Variants in ACTR3 observed in about 807,000 individuals in gnomAD.
The protein encoded by ACTR3 is actin-related protein 3.
Under a neutral mutation model 56.8 loss-of-function variants are expected in ACTR3, and 12 were observed. The ratio of observed to expected loss-of-function variants is 0.21; its 90% confidence interval spans 0.14 to 0.34. The LOEUF is 0.34. Ranked by LOEUF, ACTR3 falls within the 10% of genes least tolerant of loss-of-function variation. The pLI is 1.00. For synonymous variants in ACTR3, 162 were observed against 167.4 expected (o/e 0.97, Z 0.25); for missense variants, 282 against 512.5 (o/e 0.55, Z 4.34).
At chr2:113,899,573 TA>T (rs1481986772) in intron 1 of ACTR3, among the ~76,000 whole-genome samples, 4 of 152,188 alleles carry the variant, frequency 2.6e-5, no homozygotes, top group Non-Finnish European at 5.9e-5. Flanking sequence ...GGCAGATTAA[TA>T]AGGGCTGTAG....
chr2:113,891,504 A>G (rs562121779), intron 1 of ACTR3, among the ~76,000 whole-genome samples: 171 of 151,960 alleles, frequency 1.1e-3, no homozygotes, highest in Non-Finnish European at 1.2e-3. Context: ...CTTCAGGATG[A>G]CATATAGGAA....
chr2:113,961,993 C>T lies in ACTR3; in HGVS notation c.*4538C>T, dbSNP rs1046443394. The T allele has an allele frequency of 6.6e-6, 1 of 151,936 alleles. No homozygotes were observed. The highest frequency in any genetic ancestry group is 1.5e-5 in the Non-Finnish European group (1 of 67,870). 9.4% of individuals were successfully genotyped at this position (151,936 alleles called of 1,614,324 possible). A position where few individuals can be genotyped will look rare whatever the true frequency, so the allele number is the denominator to read the frequency against. ...TTCATTTCATATTTCCAGTGCCTGA[C>T]ATATTGCTTGGCATATAGTAGTTTA... On this transcript the variant is annotated 3_prime_UTR_variant, in exon 12 of 12. Coordinates refer to ENST00000263238, the MANE Select transcript of ACTR3 (RefSeq NM_005721.5).
At chr2:113,905,858 A>T (rs1463262197) in intron 1 of ACTR3, among the ~76,000 whole-genome samples, 1 of 152,014 alleles carries the variant, frequency 6.6e-6, no homozygotes, top group Non-Finnish European at 1.5e-5. Flanking sequence ...ATAATATTCC[A>T]TTGGAAGTAT....
rs918511101 is a variant in ACTR3 at position 113,960,717 on chromosome 2, C to T, written c.*3262C>T. On this transcript the variant is annotated 3_prime_UTR_variant, in exon 12 of 12. Transcript: ENST00000263238. The stretch of plus-strand genomic sequence containing the variant: ...ATTCCTGTGACCCATTCTTTCTGAT[C>T]TTTCGTAGTTCATAGTCACCAGGCA... 2 of 151,866 alleles carry T rather than the reference C, an allele frequency of 1.3e-5. No individual in the cohort carries two copies. The highest frequency in any genetic ancestry group is 2.9e-5 in the Non-Finnish European group (2 of 67,862). 9.4% of individuals were successfully genotyped at this position (151,866 alleles called of 1,614,324 possible). A position where few individuals can be genotyped will look rare whatever the true frequency, so the allele number is the denominator to read the frequency against.
At chr2:113,928,604 A>G (rs970785993) in intron 4 of ACTR3, among the ~76,000 whole-genome samples, 12 of 152,198 alleles carry the variant, frequency 7.9e-5, no homozygotes, top group African/African-American at 2.7e-4. Context: ...AGAACTTTTT[A>G]TACAATGGTC....
At position 113,957,689 on chromosome 2, in the gene ACTR3, G is replaced by A. The variant is rs1680241948; in HGVS notation, c.*234G>A. ...ATTTGAATCTTATGTGTAACAAAAA[G>A]AAGTGGGTTTTAGTTCTTTCTGTGC... is the stretch of plus-strand genomic sequence containing the variant. On this transcript the variant is annotated 3_prime_UTR_variant, in exon 12 of 12. Coordinates refer to ENST00000263238, the MANE Select transcript of ACTR3 (RefSeq NM_005721.5). The A allele has an allele frequency of 2.3e-6, 1 of 443,306 alleles. No individual in the cohort carries two copies. Among genetic ancestry groups the A allele is most frequent in the Non-Finnish European group, 4.1e-6 (1 of 245,324 alleles). 27.5% of individuals were successfully genotyped at this position (443,306 alleles called of 1,614,324 possible). A position where few individuals can be genotyped will look rare whatever the true frequency, so the allele number is the denominator to read the frequency against.
In ACTR3 at chr2:113,931,285, TTATTTATTTCAA is replaced by T; in HGVS notation, c.337-13_337-2del. 2 of 1,433,676 alleles carry T rather than the reference TTATTTATTTCAA, an allele frequency of 1.4e-6. No homozygotes were observed. Among genetic ancestry groups the T allele is most frequent in the Non-Finnish European group, 1.9e-6 (2 of 1,053,236 alleles). 88.8% of individuals were successfully genotyped at this position (1,433,676 alleles called of 1,614,324 possible). ...AATCTGATATTATCTATTTAAAATGTTATTTATTTCAATAGACTGAACCTCCATTGAATACTC... is the reference window on the plus strand; with the variant it reads ...AATCTGATATTATCTATTTAAAATGTTAGACTGAACCTCCATTGAATACTC... On this transcript the variant is annotated splice_region_variant and splice_polypyrimidine_tract_variant and intron_variant, in intron 4 of 11. Coordinates refer to ENST00000263238, the MANE Select transcript of ACTR3 (RefSeq NM_005721.5).
At chr2:113,946,508 T>G (rs1220992611) in intron 8 of ACTR3, among the ~76,000 whole-genome samples, 1 of 152,152 alleles carries the variant, frequency 6.6e-6, no homozygotes, top group African/African-American at 2.4e-5. Flanking sequence ...CATATATGTC[T>G]TCTTTTGAAA....
rs1041371557 is a variant in ACTR3, at chr2:113,961,364, C to G, written c.*3909C>G. On this transcript the variant is annotated 3_prime_UTR_variant, in exon 12 of 12. Transcript: ENST00000263238. ...ACTAGTGCTCCAGTGGTCACAGGAA[C>G]AATAAAAAAGGAACAACGATAGAAA... 2 of 149,526 alleles carry G rather than the reference C, an allele frequency of 1.3e-5. No individual in the cohort carries two copies. Among genetic ancestry groups the G allele is most frequent in the African/African-American group, 4.9e-5 (2 of 40,602 alleles). 9.3% of individuals were successfully genotyped at this position (149,526 alleles called of 1,614,324 possible).
At position 113,962,419 on chromosome 2, in the gene ACTR3, T is replaced by G. The variant is rs933324084; in HGVS notation, c.*4964T>G. ...GGCTTTTATTGATCAATTTTGATATTGTCCAGATCCCATGTTAAACCACTT... is the reference window on the plus strand; with the variant it reads ...GGCTTTTATTGATCAATTTTGATATGGTCCAGATCCCATGTTAAACCACTT... On this transcript the variant is annotated 3_prime_UTR_variant, in exon 12 of 12. Coordinates refer to ENST00000263238, the MANE Select transcript of ACTR3 (RefSeq NM_005721.5). 5 of 152,054 alleles carry G rather than the reference T, an allele frequency of 3.3e-5. No individual in the cohort carries two copies. Among genetic ancestry groups the G allele is most frequent in the African/African-American group, 1.2e-4 (5 of 41,438 alleles). The allele number at this position is 152,054 out of a possible 1,614,324, so 9.4% of individuals were successfully genotyped here.
intron 1 of ACTR3, among the ~76,000 whole-genome samples, chr2:113,909,564 G>A (rs1679263240): frequency 6.6e-6 from 1 of 151,728 alleles, no homozygotes; most frequent in Non-Finnish European, 1.5e-5. Flanking sequence ...AAATGATCAG[G>A]AAAGACTTCC....
chr2:113,909,745 A>G (rs1679268368), intron 1 of ACTR3, among the ~76,000 whole-genome samples: 1 of 151,960 alleles, frequency 6.6e-6, no homozygotes, highest in Non-Finnish European at 1.5e-5. Flanking sequence ...GGGTTTATGT[A>G]AGCAAGTGAT....
At chr2:113,902,846 G>T (rs190641608) in intron 1 of ACTR3, among the ~76,000 whole-genome samples, 3 of 152,136 alleles carry the variant, frequency 2.0e-5, no homozygotes, top group Non-Finnish European at 2.9e-5. Context: ...GTGATCGCCC[G>T]CCTGGGCCTC....
intron 1 of ACTR3, among the ~76,000 whole-genome samples, chr2:113,911,989 C>T (rs1017866164): frequency 9.2e-5 from 14 of 152,124 alleles, no homozygotes; most frequent in African/African-American, 3.1e-4. Flanking sequence ...ATCCACCTGC[C>T]TCAGCCTCCC....
chr2:113,927,532 G>T (rs1679643626), intron 4 of ACTR3, 77 bp downstream of exon 4: 2 of 910,964 alleles, frequency 2.2e-6, no homozygotes, highest in Admixed American at 2.4e-5. Context: ...TACTTCTTTG[G>T]TATACTTTGG....
intron 1 of ACTR3, among the ~76,000 whole-genome samples, chr2:113,908,372 A>G (rs1679242086): frequency 6.6e-6 from 1 of 151,830 alleles, no homozygotes; most frequent in Non-Finnish European, 1.5e-5. Flanking sequence ...TAAGGATAAT[A>G]TGTAGTTATT....
chr2:113,958,084 TG>T lies in ACTR3; in HGVS notation c.*630del, dbSNP rs1322174558. 2 of 152,564 alleles carry T rather than the reference TG, an allele frequency of 1.3e-5. No individual in the cohort carries two copies. Among genetic ancestry groups the T allele is most frequent in the Non-Finnish European group, 2.9e-5 (2 of 68,048 alleles). The allele number at this position is 152,564 out of a possible 1,614,324, so 9.5% of individuals were successfully genotyped here. ...TTAACTGATGCCTGCTAGTGCTTTC[TG>T]ATTACTCGCATTCTGTTTCTTGCTT... On this transcript the variant is annotated 3_prime_UTR_variant, in exon 12 of 12. Transcript: ENST00000263238.
At chr2:113,942,425 A>G (rs1679940123) in intron 8 of ACTR3, 66 bp downstream of exon 8, 5 of 1,137,720 alleles carry the variant, frequency 4.4e-6, no homozygotes, top group South Asian at 5.3e-5. Context: ...AGATATTCAG[A>G]GAGAATTAAT....
intron 3 of ACTR3, among the ~76,000 whole-genome samples, chr2:113,918,932 T>G (rs928795885): frequency 1.3e-5 from 2 of 152,182 alleles, no homozygotes; most frequent in Admixed American, 1.3e-4. Flanking sequence ...ATGGAAATTG[T>G]GTAAGTGCAA....
Sources: allele counts gnomAD v4.1 joint callset (sites outside exome capture counted in the v4.1 genomes callset), GRCh38; gene constraint gnomAD v4.1.1; transcripts MANE v1.5; gene names NCBI Gene and HGNC (gene_info 2026-07-23, HGNC 2026-07-21).